Variants in BIRC3 observed in about 807,000 individuals in gnomAD.
BIRC3 encodes baculoviral IAP repeat containing 3, also known as baculoviral IAP repeat-containing protein 3.
A neutral mutation model predicts 59.0 loss-of-function variants in BIRC3; 26 were observed. That is an observed-to-expected ratio of 0.44 (90% CI 0.32 to 0.61). The LOEUF is 0.61. BIRC3 is among the 20% of genes least tolerant of loss of function. BIRC3 has a pLI of 0.04. For synonymous variants in BIRC3, 243 were observed against 249.2 expected (o/e 0.98, Z 0.24); for missense variants, 641 against 711.5 (o/e 0.90, Z 1.13).
intron 8 of BIRC3, 28 bp from the exon 9 acceptor site, chr11:102,336,881 T>C (rs1468963106): frequency 1.3e-6 from 2 of 1,590,492 alleles, no homozygotes; most frequent in East Asian, 4.5e-5. Flanking sequence ...CAAACTGCCT[T>C]TTATTAAAAA....
chr11:102,336,680 G>T, intron 7 of BIRC3, 80 bp from the exon 8 acceptor site: 1 of 1,339,984 alleles, frequency 7.5e-7, no homozygotes, highest in South Asian at 1.3e-5. Context: ...ATAGTCTAAA[G>T]TGTTCATTTT....
intron 1 of BIRC3, among the ~76,000 whole-genome samples, chr11:102,319,303 C>T (rs1951007487): frequency 6.6e-6 from 1 of 152,080 alleles, no homozygotes; most frequent in Admixed American, 6.5e-5. Context: ...GCCTCAGCCT[C>T]CTGAAGTGCT....
At position 102,336,219 on chromosome 11, in the gene BIRC3, T is replaced by C. The variant is rs766936229; in HGVS notation, c.1578T>C (p.Phe526=). The change falls in exon 7 of 9, where the codon TTT becomes TTC. Residue 526 remains phenylalanine, a splice_region_variant and synonymous_variant. Coordinates refer to ENST00000263464, the MANE Select transcript of BIRC3 (RefSeq NM_001165.5). ...EAEAVLYEHL[F]VQQDIKYIPT... is the part of the protein sequence containing the mutation. ...AAGCTGTGTTATATGAGCATTTATT[T>C]GGTGAGTGATAGAAAATTATTTTTA... is the stretch of plus-strand genomic sequence containing the variant. 10 of 1,577,236 alleles carry C rather than the reference T, an allele frequency of 6.3e-6. No individual in the cohort carries two copies. The highest frequency in any genetic ancestry group is 3.8e-5 in the Admixed American group (2 of 51,992).
intron 1 of BIRC3, among the ~76,000 whole-genome samples, chr11:102,317,775 T>C (rs566352732): frequency 6.6e-6 from 1 of 152,310 alleles, no homozygotes; most frequent in Non-Finnish European, 1.5e-5. Flanking sequence ...AAGCAGGCTC[T>C]AGATAGGTTC....
At chr11:102,318,628 T>C (rs1360277160) in intron 1 of BIRC3, among the ~76,000 whole-genome samples, 3 of 152,188 alleles carry the variant, frequency 2.0e-5, no homozygotes, top group Non-Finnish European at 4.4e-5. Context: ...ATGGATGTGC[T>C]GCATGCCCAA....
rs1279583232 is a variant in BIRC3, at chr11:102,324,530, C to T, written c.21C>T (p.Ser7=). Residue 7 remains serine (S), a synonymous_variant, in exon 2 of 9, where the codon AGC becomes AGT. Coordinates refer to ENST00000263464, the MANE Select transcript of BIRC3 (RefSeq NM_001165.5). The stretch of plus-strand genomic sequence containing the variant: ...TCATTATGAACATAGTAGAAAACAG[C>T]ATATTCTTATCAAATTTGATGAAAA... MNIVEN[S]IFLSNLMKSA... 1 of 1,613,192 alleles carries T rather than the reference C, an allele frequency of 6.2e-7. No individual in the cohort carries two copies. The highest frequency in any genetic ancestry group is 1.1e-5 in the South Asian group (1 of 90,954).
chr11:102,332,061 T>A (rs1239888913), intron 6 of BIRC3, among the ~76,000 whole-genome samples: 7 of 152,214 alleles, frequency 4.6e-5, no homozygotes, highest in African/African-American at 1.2e-4. Flanking sequence ...TTCCAGAGCA[T>A]CCGTCGATTA....
Position 102,337,000 on chromosome 11 carries a change from T to C in BIRC3, c.1713T>C (p.Pro571=). 2 of 1,605,342 alleles carry C rather than the reference T, an allele frequency of 1.2e-6. No individual in the cohort carries two copies. The highest frequency in any genetic ancestry group is 1.7e-6 in the Non-Finnish European group (2 of 1,178,148). The change falls in exon 9 of 9, where the codon CCT becomes CCC. Residue 571 remains proline, a synonymous_variant. Transcript: ENST00000263464. ...MDKEVSIVFI[P]CGHLVVCKDC... ...AAGAAGTGTCCATAGTGTTTATTCCTTGTGGTCATCTAGTAGTATGCAAAG... is the reference window on the plus strand; with the variant it reads ...AAGAAGTGTCCATAGTGTTTATTCCCTGTGGTCATCTAGTAGTATGCAAAG...
rs1951223008 is a variant in BIRC3, at chr11:102,338,603, C to G, written c.*1501C>G. On this transcript the variant is annotated 3_prime_UTR_variant, in exon 9 of 9. Transcript: ENST00000263464. ...AGGTTGGGGACCCAGCAAGGCCTGTCTGTTCAGATTATTCTTGGTCTCTGT... is the reference window on the plus strand; with the variant it reads ...AGGTTGGGGACCCAGCAAGGCCTGTGTGTTCAGATTATTCTTGGTCTCTGT... 1 of 228,634 alleles carries G rather than the reference C, an allele frequency of 4.4e-6. No homozygotes were observed. The highest frequency in any genetic ancestry group is 2.2e-5 in the African/African-American group (1 of 45,060). 14.2% of individuals were successfully genotyped at this position (228,634 alleles called of 1,614,324 possible).
rs1369815893 is a variant in BIRC3, at chr11:102,328,118, T to C, written c.1020T>C (p.His340=). 1.9e-6 allele frequency: 3 copies of C among 1,607,766 alleles called. No individual in the cohort carries two copies. Among genetic ancestry groups the C allele is most frequent in the South Asian group, 2.2e-5 (2 of 89,356 alleles). Residue 340 remains histidine (H), a synonymous_variant, in exon 4 of 9, where the codon CAT becomes CAC. Transcript: ENST00000263464. ...FIRQVQASYP[H]LLEQLLSTSD... is the part of the protein sequence containing the mutation. ...GTCAAGTTCAAGCCAGTTACCCTCA[T>C]CTACTTGAACAGGTAGGGCAAGTTC...
intron 1 of BIRC3, among the ~76,000 whole-genome samples, chr11:102,318,313 A>G (rs1209990167): frequency 1.3e-5 from 2 of 152,270 alleles, no homozygotes; most frequent in East Asian, 3.9e-4. Flanking sequence ...GCTTCTGGTT[A>G]CCGGACTGCT....
rs1467832394 is a variant in BIRC3, at chr11:102,324,223, T to C, written c.-287T>C. On this transcript the variant is annotated 5_prime_UTR_variant, in exon 2 of 9. Coordinates refer to ENST00000263464, the MANE Select transcript of BIRC3 (RefSeq NM_001165.5). ...CCTGATGGCTTAATACACATCACTC[T>C]TCTGTGAAGGGTTTTAATTTTCAAC... is the stretch of plus-strand genomic sequence containing the variant. The C allele has an allele frequency of 3.4e-6, 1 of 294,934 alleles. No individual in the cohort carries two copies. The highest frequency in any genetic ancestry group is 5.3e-5 in the East Asian group (1 of 18,838). The allele number at this position is 294,934 out of a possible 1,614,324, so 18.3% of individuals were successfully genotyped here.
At chr11:102,321,591 G>A (rs373232445) in intron 1 of BIRC3, among the ~76,000 whole-genome samples, 10 of 152,288 alleles carry the variant, frequency 6.6e-5, no homozygotes, top group Admixed American at 4.6e-4. Context: ...CTGACCTCAA[G>A]TGATCCACTT....
chr11:102,332,749 T>C (rs1951156850), intron 6 of BIRC3, among the ~76,000 whole-genome samples: 1 of 152,220 alleles, frequency 6.6e-6, no homozygotes, highest in Non-Finnish European at 1.5e-5. Context: ...TATAGCATCA[T>C]ACATTCACCA....
intron 4 of BIRC3, among the ~76,000 whole-genome samples, 191 bp downstream of exon 4, chr11:102,328,321 C>T (rs958250110): frequency 6.6e-6 from 1 of 152,042 alleles, no homozygotes; most frequent in African/African-American, 2.4e-5. Flanking sequence ...TGGTAGTCTC[C>T]TGATAATGAC....
Position 102,337,226 on chromosome 11 carries a change from T to C in BIRC3, c.*124T>C. 1 of 677,326 alleles carries C rather than the reference T, an allele frequency of 1.5e-6. No individual in the cohort carries two copies. Among genetic ancestry groups the C allele is most frequent in the Non-Finnish European group, 2.2e-6 (1 of 457,030 alleles). The allele number at this position is 677,326 out of a possible 1,614,324, so 42.0% of individuals were successfully genotyped here. A position where few individuals can be genotyped will look rare whatever the true frequency, so the allele number is the denominator to read the frequency against. On this transcript the variant is annotated 3_prime_UTR_variant, in exon 9 of 9. Coordinates refer to ENST00000263464, the MANE Select transcript of BIRC3 (RefSeq NM_001165.5). ...ATTTACAACTCAAAAAACATTGTTT[T>C]GTGTAACATATTTATATATGTATCT...
chr11:102,325,587 T>C lies in BIRC3; in HGVS notation c.953+22T>C, dbSNP rs750220350. 2.5e-6 allele frequency: 4 copies of C among 1,601,950 alleles called. 1 individual carries two copies. The Admixed American group carries it at 6.8e-5, about 27-fold the overall frequency. Reference sequence around the variant, plus strand: ...CAAGGTAATTGTTTTGAAATTCTCTTTGCAAATTCTTGTGATTATCATGAG... The same window carrying C: ...CAAGGTAATTGTTTTGAAATTCTCTCTGCAAATTCTTGTGATTATCATGAG... On this transcript the variant is annotated intron_variant, in intron 3 of 8. Transcript: ENST00000263464.
chr11:102,328,015 A>G (rs945421694), intron 3 of BIRC3, 37 bp from the exon 4 acceptor site: 7 of 1,497,980 alleles, frequency 4.7e-6, no homozygotes, highest in Non-Finnish European at 4.6e-6. Context: ...TCACTTGTAT[A>G]AATAATCCCT....
chr11:102,336,962 G>C lies in BIRC3; in HGVS notation c.1675G>C (p.Val559Leu). ...ACTACAAGAAGAAAGAACATGTAAA[G>C]TGTGTATGGACAAAGAAGTGTCCAT... ...RRLQEERTCKVCMDKEVSIVF... is the reference protein window; with the variant it reads ...RRLQEERTCKLCMDKEVSIVF... The change falls in exon 9 of 9, where the codon GTG becomes CTG. Residue 559 changes from valine to leucine, a missense_variant. Val to Leu is a conservative substitution (Grantham distance 32). This residue lies in a region of BIRC3 where 41 missense variants were observed against 73.4 expected (regional missense o/e 0.56). Transcript: ENST00000263464. The C allele has an allele frequency of 6.2e-7, 1 of 1,605,600 alleles. No homozygotes were observed. Among genetic ancestry groups the C allele is most frequent in the Non-Finnish European group, 8.5e-7 (1 of 1,178,154 alleles).
Sources: allele counts gnomAD v4.1 joint callset (sites outside exome capture counted in the v4.1 genomes callset), GRCh38; gene constraint gnomAD v4.1.1; regional missense constraint gnomAD v4.1.1; transcripts MANE v1.5; gene names NCBI Gene and HGNC (gene_info 2026-07-23, HGNC 2026-07-21).